The following CAD variants were observed in gnomAD, a reference collection of about 807,000 sequenced individuals.
The protein encoded by CAD is carbamoyl-phosphate synthetase 2, aspartate transcarbamylase, and dihydroorotase.
Under a neutral mutation model 237.2 loss-of-function variants are expected in CAD, and 81 were observed. The ratio of observed to expected loss-of-function variants is 0.34; its 90% CI spans 0.29 to 0.41. The LOEUF (loss-of-function observed/expected upper bound fraction) is 0.41, where lower values mean the gene tolerates loss of function less well. CAD is among the 10% of genes least tolerant of loss of function. The pLI, the probability that CAD is intolerant of heterozygous loss-of-function variation, is 1.00. For synonymous variants in CAD, 1,196 were observed against 1,162.8 expected, an observed-to-expected ratio of 1.03 and a Z score of -0.58; for missense variants, 2,181 against 2,951.7, an observed-to-expected ratio of 0.74 and a Z score of 6.05.
In CAD at chr2:27,232,441, A is replaced by G. The variant is rs202227357; in HGVS notation, c.2646-7A>G. Reference sequence around the variant, plus strand: ...GGCCTGTGTTTCAGACCCTTTTTCTATTTTAGCACAGAGCTGGCTGTTCGC... The same window carrying G: ...GGCCTGTGTTTCAGACCCTTTTTCTGTTTTAGCACAGAGCTGGCTGTTCGC... On this transcript the variant is annotated splice_polypyrimidine_tract_variant and splice_region_variant and intron_variant, in intron 17 of 43. Coordinates refer to ENST00000264705, the MANE Select transcript of CAD (RefSeq NM_004341.5). This position sits in a 1 kb window ranked among gnomAD's most constrained non-coding sequence, Gnocchi z 4.1. The G allele has an allele frequency of 7.0e-4, 1,123 of 1,613,840 alleles. No individual in the cohort carries two copies. Among genetic ancestry groups the G allele is most frequent in the Middle Eastern group, 1.3e-3 (8 of 6,052 alleles).
chr2:27,226,591 T>C lies in CAD; in HGVS notation c.2098T>C (p.Tyr700His). The change falls in exon 14 of 44, where the codon TAT becomes CAT. Residue 700 changes from tyrosine to histidine, a missense_variant. Physicochemically the swap from Tyr to His is moderately conservative, Grantham distance 83. Around this residue, in one of 12 missense-constraint regions of CAD, gnomAD observed 385 missense variants for 535.1 expected, o/e 0.72. Coordinates refer to ENST00000264705, the MANE Select transcript of CAD (RefSeq NM_004341.5). Reference protein sequence around the residue: ...SSALASKATGYPLAYVAAKLA... With the variant: ...SSALASKATGHPLAYVAAKLA... ...TGCCCTGGCCAGTAAGGCCACAGGT[T>C]ATCCACTGGCTTATGTGGCAGCCAA... 6.2e-7 allele frequency: 1 copy of C among 1,614,164 alleles called. No individual in the cohort carries two copies. The highest frequency in any genetic ancestry group is 2.2e-5 in the East Asian group (1 of 44,886).
chr2:27,233,168 C>A lies in CAD; in HGVS notation c.2991+28C>A. 6.4e-7 allele frequency: 1 copy of A among 1,555,980 alleles called. No individual in the cohort carries two copies. Among genetic ancestry groups the A allele is most frequent in the Non-Finnish European group, 8.9e-7 (1 of 1,127,208 alleles). Reference sequence around the variant, plus strand: ...GAGGGAGATGGAGGCTTCCTGGTAGCTTGAGTGGCCAGGGTCGAGTAGAAC... The same window carrying A: ...GAGGGAGATGGAGGCTTCCTGGTAGATTGAGTGGCCAGGGTCGAGTAGAAC... On this transcript the variant is annotated intron_variant, in intron 19 of 43. Transcript: ENST00000264705. The surrounding 1 kb of genome is among the most constrained non-coding windows in gnomAD (Gnocchi z 6.3).
chr2:27,232,101 A>G lies in CAD; in HGVS notation c.2522A>G (p.Lys841Arg), dbSNP rs999877058. The change falls in exon 17 of 44, where the codon AAG becomes AGG. Residue 841 changes from lysine (K) to arginine (R), a missense_variant. Lys to Arg is a conservative substitution (Grantham distance 26). This residue lies in a region of CAD where 385 missense variants were observed against 535.1 expected (regional missense o/e 0.72). Coordinates refer to ENST00000264705, the MANE Select transcript of CAD (RefSeq NM_004341.5). This position sits in a 1 kb window ranked among gnomAD's most constrained non-coding sequence, Gnocchi z 4.1. Reference sequence around the variant, plus strand: ...GACCGCTGGTTCCTGCACCGAATGAAGCGTATCATCGCACATGCCCAGCTG... The same window carrying G: ...GACCGCTGGTTCCTGCACCGAATGAGGCGTATCATCGCACATGCCCAGCTG... ...RIDRWFLHRM[K>R]RIIAHAQLLE... 5.0e-6 allele frequency: 8 copies of G among 1,614,130 alleles called. No individual in the cohort carries two copies. The highest frequency in any genetic ancestry group is 5.9e-6 in the Non-Finnish European group (7 of 1,180,056).
chr2:27,237,855 G>T lies in CAD; in HGVS notation c.4701G>T (p.Arg1567=), dbSNP rs779953485. The change falls in exon 29 of 44, where the codon CGG becomes CGT. Residue 1567 remains arginine, a synonymous_variant. Coordinates refer to ENST00000264705, the MANE Select transcript of CAD (RefSeq NM_004341.5). The surrounding 1 kb of genome is among the most constrained non-coding windows in gnomAD (Gnocchi z 4.0). The stretch of plus-strand genomic sequence containing the variant: ...TCAATGAGACCTTCTCTGAGCTGCG[G>T]CTGGACAGCGTGGTCCAGTGGATGG... ...LYLNETFSEL[R]LDSVVQWMEH... 17 of 1,613,332 alleles carry T rather than the reference G, an allele frequency of 1.1e-5. No homozygotes were observed. Among genetic ancestry groups the T allele is most frequent in the Non-Finnish European group, 1.4e-5 (16 of 1,179,628 alleles).
At chr2:27,243,154 A>G (rs1471869687) in intron 42 of CAD, 44 bp from the exon 43 acceptor site, 1 of 1,586,200 alleles carries the variant, frequency 6.3e-7, no homozygotes, top group African/African-American at 1.3e-5. Context: ...CTCTGTAGCC[A>G]CTCCTACCCC....
rs1325949781 is a variant in CAD at position 27,242,803 on chromosome 2, G to A, written c.6378+28G>A. On this transcript the variant is annotated intron_variant, in intron 41 of 43. Coordinates refer to ENST00000264705, the MANE Select transcript of CAD (RefSeq NM_004341.5). This position sits in a 1 kb window ranked among gnomAD's most constrained non-coding sequence, Gnocchi z 6.4. ...GAGACCCTCACAGCCCTGCCTGGAA[G>A]CCATGGAGATGTGGGTTGGGCAGTC... 2.5e-6 allele frequency: 4 copies of A among 1,614,174 alleles called. No individual in the cohort carries two copies. In the East Asian group the frequency reaches 6.7e-5, roughly 27 times the overall value.
Position 27,224,781 on chromosome 2 carries a change from T to C in CAD, c.1291T>C (p.Leu431=), listed in dbSNP as rs758741978. Residue 431 remains leucine (L), a synonymous_variant, in exon 10 of 44, where the codon TTG becomes CTG. Coordinates refer to ENST00000264705, the MANE Select transcript of CAD (RefSeq NM_004341.5). The part of the protein sequence containing the change: ...KALKEENIQT[L]LINPNIATVQ... ...CCTGAAGGAGGAAAACATCCAGACGTTGCTGATCAACCCCAATATTGCCAC... is the reference window on the plus strand; with the variant it reads ...CCTGAAGGAGGAAAACATCCAGACGCTGCTGATCAACCCCAATATTGCCAC... 1 of 1,614,200 alleles carries C rather than the reference T, an allele frequency of 6.2e-7. No individual in the cohort carries two copies. Among genetic ancestry groups the C allele is most frequent in the East Asian group, 2.2e-5 (1 of 44,886 alleles).
rs1326624105 is a variant in CAD at position 27,233,260 on chromosome 2, A to C, written c.2992-52A>C. 6.5e-7 allele frequency: 1 copy of C among 1,547,998 alleles called. No homozygotes were observed. The highest frequency in any genetic ancestry group is 8.9e-7 in the Non-Finnish European group (1 of 1,120,570). On this transcript the variant is annotated intron_variant, in intron 19 of 43. Coordinates refer to ENST00000264705, the MANE Select transcript of CAD (RefSeq NM_004341.5). This position sits in a 1 kb window ranked among gnomAD's most constrained non-coding sequence, Gnocchi z 6.3. ...AGGGAAGCAGTGAGCAGGAAGGCTCAGATTCCTGCCCTCTTTTGCTGCCAC... is the reference window on the plus strand; with the variant it reads ...AGGGAAGCAGTGAGCAGGAAGGCTCCGATTCCTGCCCTCTTTTGCTGCCAC...
intron 8 of CAD, 140 bp from the exon 9 acceptor site, chr2:27,224,205 T>A (rs1675321239): frequency 1.0e-6 from 1 of 988,548 alleles, no homozygotes; most frequent in Non-Finnish European, 1.5e-6. Context: ...AACTCCAGGG[T>A]CCTGGGTTCT....
At chr2:27,217,790 A>G in intron 1 of CAD, 87 bp from the exon 2 acceptor site, 3 of 1,492,354 alleles carry the variant, frequency 2.0e-6, no homozygotes, top group Non-Finnish European at 2.7e-6. Context: ...CTCGCGACCA[A>G]GGCAGCCTCC....
Position 27,222,510 on chromosome 2 carries a change from A to G in CAD, c.496-9A>G, listed in dbSNP as rs752140964. 6 of 1,612,652 alleles carry G rather than the reference A, an allele frequency of 3.7e-6. No individual in the cohort carries two copies. The highest frequency in any genetic ancestry group is 5.1e-6 in the Non-Finnish European group (6 of 1,178,950). On this transcript the variant is annotated splice_polypyrimidine_tract_variant and intron_variant, in intron 4 of 43. Coordinates refer to ENST00000264705, the MANE Select transcript of CAD (RefSeq NM_004341.5). ...GCCAACTGTTGCCCTTTATTCGTCTATTTCTCAGACTCCACGGGTATTCAA... is the reference window on the plus strand; with the variant it reads ...GCCAACTGTTGCCCTTTATTCGTCTGTTTCTCAGACTCCACGGGTATTCAA...
rs550326195 is a variant in CAD, at chr2:27,217,412, G to T, written c.-140G>T. 1.6e-5 allele frequency: 12 copies of T among 764,640 alleles called. No homozygotes were observed. Among genetic ancestry groups the T allele is most frequent in the Admixed American group, 4.2e-5 (2 of 47,278 alleles). 47.4% of individuals were successfully genotyped at this position (764,640 alleles called of 1,614,324 possible). A position where few individuals can be genotyped will look rare whatever the true frequency, so the allele number is the denominator to read the frequency against. ...CAAGCGCGCCCGAGGCTCCTACGCT[G>T]CCGCGCCCGGCTTCTCTCCAGCGCC... On this transcript the variant is annotated 5_prime_UTR_variant, in exon 1 of 44. Coordinates refer to ENST00000264705, the MANE Select transcript of CAD (RefSeq NM_004341.5).
chr2:27,243,590 G>A lies in CAD; in HGVS notation c.*72G>A. ...AGGAATTCCAGTGCCTCCTACGGGG[G>A]CAGCACACTTAGATATTCCTGGACA... is the stretch of plus-strand genomic sequence containing the variant. On this transcript the variant is annotated 3_prime_UTR_variant, in exon 44 of 44. Coordinates refer to ENST00000264705, the MANE Select transcript of CAD (RefSeq NM_004341.5). 1.8e-6 allele frequency: 2 copies of A among 1,142,602 alleles called. No individual in the cohort carries two copies. The highest frequency in any genetic ancestry group is 2.5e-5 in the East Asian group (1 of 39,662). 70.8% of individuals were successfully genotyped at this position (1,142,602 alleles called of 1,614,324 possible).
Position 27,242,228 on chromosome 2 carries a change from G to T in CAD, c.6097-74G>T. ...GTGTTTTGGGCCAGATGAGTGAGGG[G>T]ACCCCAGAAGAGGGGGACTGGCAGT... is the stretch of plus-strand genomic sequence containing the variant. On this transcript the variant is annotated intron_variant, in intron 39 of 43. Coordinates refer to ENST00000264705, the MANE Select transcript of CAD (RefSeq NM_004341.5). The surrounding 1 kb of genome is among the most constrained non-coding windows in gnomAD (Gnocchi z 6.4). 6.3e-7 allele frequency: 1 copy of T among 1,578,764 alleles called. No individual in the cohort carries two copies. Among genetic ancestry groups the T allele is most frequent in the Non-Finnish European group, 8.6e-7 (1 of 1,158,778 alleles).
intron 15 of CAD, among the ~76,000 whole-genome samples, chr2:27,229,167 C>G (rs867143651): frequency 2.0e-5 from 3 of 150,962 alleles, no homozygotes; most frequent in South Asian, 2.1e-4. Context: ...ATCCGCCTGC[C>G]TCGGCCTCCC....
Position 27,233,255 on chromosome 2 carries a change from G to A in CAD, c.2992-57G>A. The stretch of plus-strand genomic sequence containing the variant: ...GGCTGAGGGAAGCAGTGAGCAGGAA[G>A]GCTCAGATTCCTGCCCTCTTTTGCT... On this transcript the variant is annotated intron_variant, in intron 19 of 43. Transcript: ENST00000264705. The surrounding 1 kb of genome is among the most constrained non-coding windows in gnomAD (Gnocchi z 6.3). The A allele has an allele frequency of 6.5e-7, 1 of 1,531,014 alleles. No individual in the cohort carries two copies. The highest frequency in any genetic ancestry group is 9.0e-7 in the Non-Finnish European group (1 of 1,105,136). The allele number at this position is 1,531,014 out of a possible 1,614,324, so 94.8% of individuals were successfully genotyped here.
chr2:27,236,984 ATCCACAGTG>A lies in CAD; in HGVS notation c.4396+164_4396+172del, dbSNP rs1676043736. On this transcript the variant is annotated intron_variant, in intron 27 of 43. Coordinates refer to ENST00000264705, the MANE Select transcript of CAD (RefSeq NM_004341.5). This position sits in a 1 kb window ranked among gnomAD's most constrained non-coding sequence, Gnocchi z 4.1. Reference sequence around the variant, plus strand: ...ATGTTTCTCACTCTTTCATTCCTTAATCCACAGTGTCCACAGTGGCCTTGTCTGAGGAAT... The same window carrying A: ...ATGTTTCTCACTCTTTCATTCCTTAATCCACAGTGGCCTTGTCTGAGGAAT... Among the ~76,000 whole-genome samples, 2 of 149,692 alleles carry A rather than the reference ATCCACAGTG, an allele frequency of 1.3e-5. No individual in the cohort carries two copies. Among genetic ancestry groups the A allele is most frequent in the East Asian group, 3.9e-4 (2 of 5,086 alleles).
chr2:27,224,689 C>A (rs1572427127), intron 9 of CAD, 56 bp from the exon 10 acceptor site: 2 of 1,609,616 alleles, frequency 1.2e-6, no homozygotes, highest in Middle Eastern at 1.6e-4. Flanking sequence ...TACTCTAAGG[C>A]TGTTTGCAAT....
chr2:27,230,019 C>CGGGGT, intron 15 of CAD, among the ~76,000 whole-genome samples: 1 of 151,680 alleles, frequency 6.6e-6, no homozygotes, highest in East Asian at 1.9e-4. Flanking sequence ...AGGTGGATCA[C>CGGGGT]CTGAGGTTGG....
Sources: allele counts gnomAD v4.1 joint callset (sites outside exome capture counted in the v4.1 genomes callset), GRCh38; gene constraint gnomAD v4.1.1; regional missense constraint gnomAD v4.1.1; non-coding constraint Gnocchi (gnomAD v3.1); transcripts MANE v1.5; gene names NCBI Gene and HGNC (gene_info 2026-07-23, HGNC 2026-07-21).